RGS7: variants seen among roughly 807,000 people sequenced by gnomAD.
RGS7 encodes the protein regulator of G protein signaling 7, also known as regulator of G-protein signaling 7.
Under a neutral mutation model 81.1 loss-of-function variants are expected in RGS7, and 27 were observed. That is an observed-to-expected ratio of 0.33 (90% CI 0.25 to 0.46). RGS7 has a LOEUF of 0.46. Among genes scored for constraint, RGS7 ranks in the 20% least tolerant of loss-of-function variants. The pLI is 1.00. For synonymous variants in RGS7, 208 were observed against 207.7 expected, an observed-to-expected ratio of 1.00 and a Z score of -0.01; for missense variants, 396 against 607.4, an observed-to-expected ratio of 0.65 and a Z score of 3.66.
intron 3 of RGS7, among the ~76,000 whole-genome samples, chr1:241,016,599 A>G (rs2059253182): frequency 6.6e-6 from 1 of 152,136 alleles, no homozygotes; most frequent in South Asian, 2.1e-4. Context: ...ACGTGAGAAC[A>G]AAAGAAAACA....
At chr1:240,786,176 T>C (rs1685030191) in intron 18 of RGS7, among the ~76,000 whole-genome samples, 1 of 151,978 alleles carries the variant, frequency 6.6e-6, no homozygotes, top group African/African-American at 2.4e-5. Flanking sequence ...CTAAAGAAAA[T>C]GAAGAAAACA....
chr1:240,977,395 ATGTG>A (rs760373215), intron 4 of RGS7, among the ~76,000 whole-genome samples: 18 of 144,046 alleles, frequency 1.2e-4, no homozygotes, highest in Non-Finnish European at 1.9e-4. Context: ...ATACACACAT[ATGTG>A]TGTGTGTGTA....
chr1:240,999,778 T>TC (rs200637319), intron 3 of RGS7, among the ~76,000 whole-genome samples: 11,610 of 151,664 alleles, frequency 0.077, 1,501 homozygotes, highest in African/African-American at 0.27. Context: ...TTTTTTTTTT[T>TC]TCCCAGTAGA....
rs550220299 is a variant in RGS7 at position 240,804,980 on chromosome 1, G to C, written c.1269+1160C>G. On this transcript the variant is annotated intron_variant, in intron 15 of 18. Coordinates refer to ENST00000440928, the MANE Select transcript of RGS7 (RefSeq NM_001364886.1). ...ATCTTCTATATTTTATTTTAGTAATGTGTGTTTTTTAAAAGGTACTTTTTA... is the reference window on the plus strand; with the variant it reads ...ATCTTCTATATTTTATTTTAGTAATCTGTGTTTTTTAAAAGGTACTTTTTA... Among the ~76,000 whole-genome samples, 8 of 152,304 alleles carry C rather than the reference G, an allele frequency of 5.3e-5. No homozygotes were observed. The South Asian group carries it at 1.5e-3, about 28-fold the overall frequency.
chr1:240,935,885 G>C (rs891592606), intron 5 of RGS7, among the ~76,000 whole-genome samples: 5 of 152,138 alleles, frequency 3.3e-5, no homozygotes, highest in Non-Finnish European at 7.3e-5. Context: ...CATTTTATGT[G>C]CCTTAATTTT....
chr1:240,890,427 A>G (rs148639981), intron 6 of RGS7, among the ~76,000 whole-genome samples: 2,444 of 152,344 alleles, frequency 0.016, 84 homozygotes, highest in African/African-American at 0.056. Flanking sequence ...CTGGGATTAC[A>G]GGGGTGAGCC....
chr1:241,210,713 A>G (rs2074195929), intron 2 of RGS7, among the ~76,000 whole-genome samples: 1 of 152,258 alleles, frequency 6.6e-6, no homozygotes, highest in Non-Finnish European at 1.5e-5. Flanking sequence ...AAGAATAAAT[A>G]GAAGCTCAAT....
chr1:240,943,076 G>C (rs1395480759), intron 4 of RGS7, among the ~76,000 whole-genome samples: 1 of 152,178 alleles, frequency 6.6e-6, no homozygotes, highest in Non-Finnish European at 1.5e-5. Flanking sequence ...ATTCGGGATA[G>C]AGAAGTGAAT....
At chr1:241,173,975 A>G (rs1657324357) in intron 2 of RGS7, among the ~76,000 whole-genome samples, 1 of 152,156 alleles carries the variant, frequency 6.6e-6, no homozygotes, top group African/African-American at 2.4e-5. Flanking sequence ...TGAAAGCACC[A>G]TTCATGCTTC....
At chr1:241,099,905 T>C (rs1048435166) in intron 2 of RGS7, among the ~76,000 whole-genome samples, 5 of 152,236 alleles carry the variant, frequency 3.3e-5, no homozygotes, top group Non-Finnish European at 7.3e-5. Flanking sequence ...GTTGTACTAA[T>C]GTTAATTTCT....
At chr1:240,908,738 A>G (rs1671257564) in intron 6 of RGS7, among the ~76,000 whole-genome samples, 2 of 152,198 alleles carry the variant, frequency 1.3e-5, no homozygotes, top group Non-Finnish European at 2.9e-5. Context: ...ACCTGATTCA[A>G]TTAATTCACA....
chr1:240,799,489 T>C (rs1049642628), intron 18 of RGS7, among the ~76,000 whole-genome samples: 4 of 152,020 alleles, frequency 2.6e-5, no homozygotes, highest in African/African-American at 9.7e-5. Context: ...TAACACCCAG[T>C]AGAAATTGTT....
intron 3 of RGS7, among the ~76,000 whole-genome samples, chr1:241,083,113 T>G (rs1183704666): frequency 6.7e-6 from 1 of 150,128 alleles, no homozygotes; most frequent in Non-Finnish European, 1.5e-5. Flanking sequence ...TAATCCCAGC[T>G]ATTTGGGAGG....
chr1:241,193,946 T>C (rs1401110979), intron 2 of RGS7, among the ~76,000 whole-genome samples: 1 of 152,222 alleles, frequency 6.6e-6, no homozygotes, highest in Non-Finnish European at 1.5e-5. Context: ...TAAATCATGC[T>C]AGTTGATATG....
chr1:241,285,811 C>T (rs2078776013), intron 2 of RGS7, among the ~76,000 whole-genome samples: 1 of 152,118 alleles, frequency 6.6e-6, no homozygotes, highest in Non-Finnish European at 1.5e-5. Context: ...TTGAGAGTGC[C>T]CTCTGTGGAA....
chr1:240,944,788 A>C lies in RGS7; in HGVS notation c.227-8082T>G, dbSNP rs74948563. Among the ~76,000 whole-genome samples the C allele has an allele frequency of 7.9e-3, 1,200 of 152,322 alleles. 15 individuals carry two copies. Among genetic ancestry groups the C allele is most frequent in the African/African-American group, 0.027 (1,131 of 41,588 alleles). ...GAGTGCAGTGGCGCGATCTTCGCTC[A>C]CTGCAACCTCCGCCTTCCAGGTTCA... On this transcript the variant is annotated intron_variant, in intron 4 of 18. Coordinates refer to ENST00000440928, the MANE Select transcript of RGS7 (RefSeq NM_001364886.1).
At chr1:241,228,282 A>G (rs773493323) in intron 2 of RGS7, among the ~76,000 whole-genome samples, 26 of 152,210 alleles carry the variant, frequency 1.7e-4, no homozygotes, top group Non-Finnish European at 3.2e-4. Flanking sequence ...CCTCCCAGCC[A>G]TTTACGTTTC....
At chr1:240,781,393 G>A (rs1202419123) in intron 18 of RGS7, among the ~76,000 whole-genome samples, 1 of 152,162 alleles carries the variant, frequency 6.6e-6, no homozygotes, top group Non-Finnish European at 1.5e-5. Flanking sequence ...ATCACCTGAG[G>A]TCAGGAGTTC....
chr1:240,934,416 A>T (rs1239138210), intron 5 of RGS7, among the ~76,000 whole-genome samples: 1 of 152,190 alleles, frequency 6.6e-6, no homozygotes, highest in South Asian at 2.1e-4. Flanking sequence ...CTTGGAACCA[A>T]CGTAAAAACA....
Sources: gnomAD v4.1 joint callset for allele counts (sites outside exome capture counted in the v4.1 genomes callset) on GRCh38, gnomAD v4.1.1 for gene constraint, MANE v1.5 for transcripts, NCBI Gene and HGNC (gene_info 2026-07-23, HGNC 2026-07-21) for gene names.